C12orf42: variants seen among roughly 807,000 people sequenced by gnomAD.
The protein encoded by C12orf42 is chromosome 12 open reading frame 42, also known as uncharacterized protein C12orf42.
Under a neutral mutation model 21.6 loss-of-function variants are expected in C12orf42, and 25 were observed. The ratio of observed to expected loss-of-function variants is 1.16; its 90% CI spans 0.84 to 1.62. The LOEUF is 1.62. Among genes scored for constraint, C12orf42 ranks in the 40% most tolerant of loss-of-function variants. The probability of loss-of-function intolerance (pLI) is 0.00; values close to 1 mark genes in which losing one functional copy is unlikely to be tolerated. For missense variants in C12orf42, 483 were observed against 459.3 expected, an observed-to-expected ratio of 1.05 and a Z score of -0.47; for synonymous variants, 174 against 175.0, an observed-to-expected ratio of 0.99 and a Z score of 0.05.
At chr12:103,116,777 C>G in the C12orf42 span, among the ~76,000 whole-genome samples, 1 of 152,240 alleles carries the variant, frequency 6.6e-6, no homozygotes. Flanking sequence ...ATTTTTCTCC[C>G]CATTTCATAT....
chr12:103,305,088 T>C (rs187188552), intron 5 of C12orf42, among the ~76,000 whole-genome samples: 3 of 152,294 alleles, frequency 2.0e-5, no homozygotes, highest in Non-Finnish European at 4.4e-5. Flanking sequence ...ACACTGATGA[T>C]AGCTAATGAG....
chr12:103,347,316 G>A (rs2042715149), intron 4 of C12orf42, among the ~76,000 whole-genome samples: 2 of 150,234 alleles, frequency 1.3e-5, no homozygotes, highest in South Asian at 4.2e-4. Flanking sequence ...TTGGTTTTCT[G>A]ATCTTGTGAT....
At position 103,302,011 on chromosome 12, in the gene C12orf42, T is replaced by G; in HGVS notation, c.*97A>C. 1 of 1,321,946 alleles carries G rather than the reference T, an allele frequency of 7.6e-7. No homozygotes were observed. Among genetic ancestry groups the G allele is most frequent in the South Asian group, 1.4e-5 (1 of 69,720 alleles). The allele number at this position is 1,321,946 out of a possible 1,614,324, so 81.9% of individuals were successfully genotyped here. On this transcript the variant is annotated 3_prime_UTR_variant, in exon 6 of 6. Transcript: ENST00000548883. ...TGCTTCACAAAAGCCTAACAATGGT[T>G]CTGTGGAAACCAGTACATCTGAGGC...
At chr12:103,147,623 C>CTCT in the C12orf42 span, among the ~76,000 whole-genome samples, 18 of 99,314 alleles carry the variant, frequency 1.8e-4, no homozygotes, top group African/African-American at 6.6e-4. Flanking sequence ...TTCTCTCTCT[C>CTCT]TTTTTTTTTT....
chr12:103,099,293 T>G, the C12orf42 span, among the ~76,000 whole-genome samples: 1 of 152,230 alleles, frequency 6.6e-6, no homozygotes, highest in Non-Finnish European at 1.5e-5. Context: ...ATTACCTAAC[T>G]GAACAATTAT....
the C12orf42 span, among the ~76,000 whole-genome samples, chr12:103,103,245 C>T: frequency 6.6e-6 from 1 of 152,196 alleles, no homozygotes; most frequent in Non-Finnish European, 1.5e-5. Context: ...GGAACCACTT[C>T]AGAATTCTAC....
At chr12:103,364,497 G>A (rs143491127) in intron 4 of C12orf42, among the ~76,000 whole-genome samples, 4 of 151,560 alleles carry the variant, frequency 2.6e-5, no homozygotes, top group African/African-American at 9.7e-5. Context: ...AATCAAAACA[G>A]AACTAAATGA....
At chr12:103,117,749 G>A in the C12orf42 span, among the ~76,000 whole-genome samples, 3 of 152,336 alleles carry the variant, frequency 2.0e-5, no homozygotes, top group Middle Eastern at 3.4e-3. Context: ...AGGTGAAGAT[G>A]AGTAATGTGA....
intron 4 of C12orf42, among the ~76,000 whole-genome samples, chr12:103,283,491 C>T (rs958302498): frequency 2.6e-5 from 4 of 152,208 alleles, no homozygotes; most frequent in Non-Finnish European, 4.4e-5. Flanking sequence ...CACTTGGGGT[C>T]TGGCCTCCAC....
intron 2 of C12orf42, among the ~76,000 whole-genome samples, chr12:103,430,377 G>C (rs548490985): frequency 6.6e-6 from 1 of 152,240 alleles, no homozygotes; most frequent in South Asian, 2.1e-4. Flanking sequence ...CATCATCATT[G>C]GTCATTAGAG....
At chr12:103,520,825 G>A in the C12orf42 span, among the ~76,000 whole-genome samples, 1 of 152,196 alleles carries the variant, frequency 6.6e-6, no homozygotes, top group Admixed American at 6.5e-5. Context: ...TCTCTCTTGT[G>A]TGAATGTCCT....
chr12:103,278,065 A>G (rs367573975), intron 4 of C12orf42, among the ~76,000 whole-genome samples: 214 of 152,354 alleles, frequency 1.4e-3, no homozygotes, highest in South Asian at 0.013. Context: ...AAGGAATTGC[A>G]CCCAGAATTT....
chr12:103,300,214 C>T (rs1413585639), downstream of C12orf42, among the ~76,000 whole-genome samples: 1 of 152,114 alleles, frequency 6.6e-6, no homozygotes, highest in East Asian at 1.9e-4. Flanking sequence ...ACAAATCTAT[C>T]AGGATTCCAT....
the C12orf42 span, among the ~76,000 whole-genome samples, chr12:103,217,055 G>T: frequency 6.6e-6 from 1 of 151,848 alleles, no homozygotes; most frequent in Non-Finnish European, 1.5e-5. Flanking sequence ...GTTGGCGAGG[G>T]TTGTCTCAAA....
At chr12:103,206,521 TACACAC>T in the C12orf42 span, among the ~76,000 whole-genome samples, 7 of 148,610 alleles carry the variant, frequency 4.7e-5, no homozygotes, top group African/African-American at 1.2e-4. Context: ...TTTTCTATAT[TACACAC>T]ACACACACAC....
chr12:103,142,611 C>A, the C12orf42 span, among the ~76,000 whole-genome samples: 5 of 152,112 alleles, frequency 3.3e-5, no homozygotes, highest in African/African-American at 1.2e-4. Flanking sequence ...ATTTTACCCA[C>A]CTCTTTGAAC....
chr12:103,484,032 G>A (rs747607818), intron 1 of C12orf42, among the ~76,000 whole-genome samples: 19 of 152,104 alleles, frequency 1.2e-4, no homozygotes, highest in Admixed American at 1.3e-4. Context: ...TGGTGTATAC[G>A]TGCCACATTT....
At chr12:103,428,604 C>A (rs2139281819) in intron 2 of C12orf42, among the ~76,000 whole-genome samples, 1 of 152,238 alleles carries the variant, frequency 6.6e-6, no homozygotes, top group South Asian at 2.1e-4. Flanking sequence ...AGGACTCCTC[C>A]CTAACTCATT....
the C12orf42 span, among the ~76,000 whole-genome samples, chr12:103,518,267 C>T: frequency 2.0e-5 from 3 of 152,168 alleles, no homozygotes; most frequent in Non-Finnish European, 4.4e-5. Flanking sequence ...AGCCAGGTAG[C>T]TCATGGAATC....
Sources: gnomAD v4.1 joint callset for allele counts (sites outside exome capture counted in the v4.1 genomes callset) on GRCh38, gnomAD v4.1.1 for gene constraint, MANE v1.5 for transcripts, NCBI Gene and HGNC (gene_info 2026-07-23, HGNC 2026-07-21) for gene names.